CSMD1: variants seen among roughly 807,000 people sequenced by gnomAD.
The protein encoded by CSMD1 is CUB and Sushi multiple domains 1.
Under a neutral mutation model 417.5 loss-of-function variants are expected in CSMD1, and 213 were observed. The ratio of observed to expected loss-of-function variants is 0.51; its 90% CI spans 0.46 to 0.57. The LOEUF (loss-of-function observed/expected upper bound fraction) is 0.57, where lower values mean the gene tolerates loss of function less well. CSMD1 is among the 20% of genes least tolerant of loss of function. The pLI is 0.00. For synonymous variants in CSMD1, 2,862 were observed against 1,736.8 expected (o/e 1.65, Z -16.11); for missense variants, 6,923 against 4,529.7 (o/e 1.53, Z -15.17).
At chr8:4,089,828 C>T (rs1048712057) in intron 3 of CSMD1, among the ~76,000 whole-genome samples, 11 of 152,062 alleles carry the variant, frequency 7.2e-5, no homozygotes, top group African/African-American at 1.2e-4. Context: ...AGGGTGAGAG[C>T]TGAGGCTTCT....
At chr8:3,374,675 G>A (rs1810195832) in intron 18 of CSMD1, among the ~76,000 whole-genome samples, 1 of 152,130 alleles carries the variant, frequency 6.6e-6, no homozygotes, top group Non-Finnish European at 1.5e-5. Flanking sequence ...CAGAAGATCA[G>A]AAGCAACCCT....
At chr8:4,664,681 G>C (rs997637515) in intron 1 of CSMD1, among the ~76,000 whole-genome samples, 1 of 152,036 alleles carries the variant, frequency 6.6e-6, no homozygotes, top group Non-Finnish European at 1.5e-5. Context: ...TAACAGGTTG[G>C]GAGCCATACA....
At chr8:3,085,365 T>C (rs575756915) in intron 49 of CSMD1, among the ~76,000 whole-genome samples, 2 of 152,322 alleles carry the variant, frequency 1.3e-5, no homozygotes, top group African/African-American at 4.8e-5. Flanking sequence ...TTTAGAAAAA[T>C]GATACTTCTT....
At chr8:3,030,724 A>C (rs1810288903) in intron 50 of CSMD1, among the ~76,000 whole-genome samples, 1 of 152,044 alleles carries the variant, frequency 6.6e-6, no homozygotes, top group Non-Finnish European at 1.5e-5. Flanking sequence ...ACCTCAAGCG[A>C]TCCACCCACC....
intron 2 of CSMD1, among the ~76,000 whole-genome samples, chr8:4,596,309 G>T (rs999635003): frequency 6.6e-6 from 1 of 152,130 alleles, no homozygotes; most frequent in Admixed American, 6.6e-5. Flanking sequence ...CAAGCTTCAA[G>T]ATTAGATTTA....
chr8:3,819,996 G>T (rs1801633351), intron 5 of CSMD1, among the ~76,000 whole-genome samples: 1 of 152,096 alleles, frequency 6.6e-6, no homozygotes, highest in Non-Finnish European at 1.5e-5. Flanking sequence ...AATCCCTTCA[G>T]CGTACTTTCC....
rs1045030798 is a variant in CSMD1 at position 4,745,372 on chromosome 8, C to A, written c.86-107814G>T. The stretch of plus-strand genomic sequence containing the variant: ...AGTTTAGTTACAAATGATTTAGTAA[C>A]AGCACCTAAGCTTTAATAAGTATTA... On this transcript the variant is annotated intron_variant, in intron 1 of 69. Coordinates refer to ENST00000635120, the MANE Select transcript of CSMD1 (RefSeq NM_033225.6). 3.9e-5 allele frequency among the ~76,000 whole-genome samples: 6 copies of A among 152,132 alleles called. No individual in the cohort carries two copies. The East Asian group carries it at 7.7e-4, about 20-fold the overall frequency.
intron 10 of CSMD1, 68 bp downstream of exon 10, chr8:3,574,877 T>G (rs1563166708): frequency 1.3e-6 from 2 of 1,529,590 alleles, no homozygotes; most frequent in East Asian, 2.3e-5. Context: ...CTGGGCTGTT[T>G]GCTTCAACAA....
chr8:4,325,967 A>T (rs1170024384), intron 3 of CSMD1, among the ~76,000 whole-genome samples: 1 of 152,132 alleles, frequency 6.6e-6, no homozygotes, highest in Non-Finnish European at 1.5e-5. Flanking sequence ...AGTCTACAGT[A>T]GCACAATTTC....
At chr8:3,288,748 C>G (rs1306816245) in intron 25 of CSMD1, among the ~76,000 whole-genome samples, 1 of 146,700 alleles carries the variant, frequency 6.8e-6, no homozygotes, top group Non-Finnish European at 1.5e-5. Flanking sequence ...TTCAAAAAAC[C>G]AGCTCCTGGA....
chr8:4,507,660 T>C (rs74924366), intron 2 of CSMD1, among the ~76,000 whole-genome samples: 3 of 152,148 alleles, frequency 2.0e-5, no homozygotes, highest in Non-Finnish European at 4.4e-5. Flanking sequence ...GTGGGAGATA[T>C]CTGAGCAAGG....
intron 50 of CSMD1, among the ~76,000 whole-genome samples, chr8:3,032,840 T>G (rs1282355421): frequency 6.6e-6 from 1 of 152,078 alleles, no homozygotes; most frequent in Non-Finnish European, 1.5e-5. Flanking sequence ...CTTAAAAGAA[T>G]ATTTTTAAAA....
intron 5 of CSMD1, among the ~76,000 whole-genome samples, chr8:3,854,465 A>T (rs1804150929): frequency 6.6e-6 from 1 of 152,110 alleles, no homozygotes; most frequent in Non-Finnish European, 1.5e-5. Context: ...ATTACTTGGC[A>T]CACGTTATAG....
At chr8:4,925,244 G>A (rs867169208) in intron 1 of CSMD1, among the ~76,000 whole-genome samples, 33 of 28,784 alleles carry the variant, frequency 1.1e-3, no homozygotes, top group African/African-American at 3.7e-3. Flanking sequence ...TTTTTTTGCA[G>A]TGTGGCCCAC....
chr8:3,259,678 G>A (rs938861035), intron 26 of CSMD1, among the ~76,000 whole-genome samples: 1 of 152,068 alleles, frequency 6.6e-6, no homozygotes, highest in Non-Finnish European at 1.5e-5. Flanking sequence ...ACCCCATCCT[G>A]AAATTTACTA....
Position 3,473,901 on chromosome 8 carries a change from G to A in CSMD1, c.1449-5077C>T, listed in dbSNP as rs147431530. Among the ~76,000 whole-genome samples the A allele has an allele frequency of 7.2e-5, 11 of 152,170 alleles. No homozygotes were observed. The East Asian group carries it at 1.9e-3, about 27-fold the overall frequency. ...TTACAATCATGGTAGAGGGTGAAAG[G>A]GAAGCAAGGCACGTCTTACATGGCA... On this transcript the variant is annotated intron_variant, in intron 11 of 69. Coordinates refer to ENST00000635120, the MANE Select transcript of CSMD1 (RefSeq NM_033225.6).
intron 3 of CSMD1, among the ~76,000 whole-genome samples, chr8:4,198,509 G>A (rs1799469152): frequency 6.6e-6 from 1 of 152,118 alleles, no homozygotes; most frequent in Non-Finnish European, 1.5e-5. Flanking sequence ...AAATCACTAG[G>A]ATGGATTTGG....
intron 1 of CSMD1, among the ~76,000 whole-genome samples, chr8:4,968,299 C>G (rs899129875): frequency 6.6e-6 from 1 of 151,904 alleles, no homozygotes; most frequent in Non-Finnish European, 1.5e-5. Context: ...TATAAGTGTA[C>G]AATTCAGTGA....
intron 3 of CSMD1, among the ~76,000 whole-genome samples, chr8:4,242,483 T>C (rs189037121): frequency 2.0e-5 from 3 of 152,328 alleles, no homozygotes; most frequent in East Asian, 1.9e-4. Context: ...TAGCAGAGAC[T>C]TCCTGAGAGC....
Sources: allele counts gnomAD v4.1 joint callset (sites outside exome capture counted in the v4.1 genomes callset), GRCh38; gene constraint gnomAD v4.1.1; transcripts MANE v1.5; gene names NCBI Gene and HGNC (gene_info 2026-07-23, HGNC 2026-07-21).